Variants in PRSS23 observed in about 807,000 individuals in gnomAD.
PRSS23 encodes the protein serine protease 23.
In PRSS23, 25 loss-of-function variants were observed where a neutral mutation model predicts 34.7. The ratio of observed to expected loss-of-function variants is 0.72; its 90% CI spans 0.53 to 1.01. The LOEUF (loss-of-function observed/expected upper bound fraction) is 1.01. Ranked by LOEUF, PRSS23 falls within the 50% of genes least tolerant of loss-of-function variation. The pLI is 0.00. For missense variants in PRSS23, 445 were observed against 475.6 expected (o/e 0.94, Z 0.60); for synonymous variants, 176 against 186.6 (o/e 0.94, Z 0.46).
At position 86,808,051 on chromosome 11, in the gene PRSS23, G is replaced by T. The variant is rs886767909; in HGVS notation, c.408G>T (p.Arg136Ser). Residue 136 changes from arginine to serine, a missense_variant, in exon 2 of 2, where the codon AGG becomes AGT. Arg to Ser is a moderately radical substitution (Grantham distance 110). Transcript: ENST00000280258. The part of the protein sequence containing the change: ...RKRQIYGYDS[R>S]FSIFGKDFLL... ...GGCAGATTTATGGCTATGACAGCAGGTTCAGCATTTTTGGGAAGGACTTCC... is the reference window on the plus strand; with the variant it reads ...GGCAGATTTATGGCTATGACAGCAGTTTCAGCATTTTTGGGAAGGACTTCC... The T allele has an allele frequency of 1.2e-6, 2 of 1,613,960 alleles. No individual in the cohort carries two copies. Among genetic ancestry groups the T allele is most frequent in the Non-Finnish European group, 1.7e-6 (2 of 1,180,040 alleles).
At chr11:86,837,229 A>G (rs1948413967) in intron 2 of PRSS23, 1 of 152,378 alleles carries the variant, frequency 6.6e-6, no homozygotes, top group Non-Finnish European at 1.5e-5. Flanking sequence ...ATTTTATTCT[A>G]ATAGATTGCC....
At chr11:86,832,207 A>G (rs1450378875) in intron 2 of PRSS23, among the ~76,000 whole-genome samples, 1 of 152,070 alleles carries the variant, frequency 6.6e-6, no homozygotes, top group Non-Finnish European at 1.5e-5. Flanking sequence ...ATAATTCCTA[A>G]TATCACAGTG....
intron 2 of PRSS23, among the ~76,000 whole-genome samples, chr11:86,861,663 C>G (rs1333864661): frequency 6.6e-6 from 1 of 151,380 alleles, no homozygotes; most frequent in East Asian, 2.0e-4. Flanking sequence ...GTGTACACCC[C>G]CCTATGATAT....
chr11:86,884,193 ATC>A (rs1948787864), intron 2 of PRSS23, among the ~76,000 whole-genome samples: 1 of 151,986 alleles, frequency 6.6e-6, no homozygotes. Context: ...TACTCTCATC[ATC>A]TCTCTCCTTG....
At chr11:86,871,190 C>A (rs1948682321) in intron 2 of PRSS23, among the ~76,000 whole-genome samples, 1 of 152,106 alleles carries the variant, frequency 6.6e-6, no homozygotes, top group Non-Finnish European at 1.5e-5. Flanking sequence ...TGGTTTTATG[C>A]CTTTTTAGGG....
At chr11:86,912,490 C>T (rs1284441955) in intron 2 of PRSS23, among the ~76,000 whole-genome samples, 1 of 152,130 alleles carries the variant, frequency 6.6e-6, no homozygotes. Context: ...CTCTGTTCTG[C>T]AAGTCAGTGA....
At chr11:86,826,410 T>G (rs1016582862) in intron 2 of PRSS23, among the ~76,000 whole-genome samples, 29 of 152,210 alleles carry the variant, frequency 1.9e-4, no homozygotes, top group Non-Finnish European at 3.5e-4. Context: ...GATGGGGTTT[T>G]CTAGATATAC....
At chr11:86,843,026 C>G (rs1948460088) in intron 2 of PRSS23, among the ~76,000 whole-genome samples, 2 of 152,198 alleles carry the variant, frequency 1.3e-5, no homozygotes, top group South Asian at 4.1e-4. Flanking sequence ...AACTATACTA[C>G]AAGGCTATAG....
At chr11:86,906,350 C>T (rs1481646441) in intron 2 of PRSS23, among the ~76,000 whole-genome samples, 2 of 146,988 alleles carry the variant, frequency 1.4e-5, no homozygotes, top group African/African-American at 5.0e-5. Flanking sequence ...CCCCCACCAG[C>T]GCCACCCTCA....
intron 2 of PRSS23, among the ~76,000 whole-genome samples, chr11:86,925,631 C>T (rs551287006): frequency 2.0e-5 from 3 of 152,270 alleles, no homozygotes; most frequent in Non-Finnish European, 4.4e-5. Flanking sequence ...ATTTACTGAG[C>T]ACTCTCTATG....
At chr11:86,815,309 A>G (rs1948207418), downstream of PRSS23, among the ~76,000 whole-genome samples, 2 of 152,122 alleles carry the variant, frequency 1.3e-5, no homozygotes, top group East Asian at 1.9e-4. Flanking sequence ...CTTATCACTA[A>G]CACTGTTATA....
intron 2 of PRSS23, among the ~76,000 whole-genome samples, chr11:86,859,770 C>T (rs1300529314): frequency 6.6e-6 from 1 of 151,958 alleles, no homozygotes; most frequent in Non-Finnish European, 1.5e-5. Context: ...GGTGTACCTT[C>T]ACCCTGTGAT....
chr11:86,899,128 G>GC (rs1454268849), intron 2 of PRSS23, among the ~76,000 whole-genome samples: 1 of 152,100 alleles, frequency 6.6e-6, no homozygotes. Context: ...GGCCTGGCCA[G>GC]CATGCATTCC....
chr11:86,914,239 C>T lies in PRSS23; in HGVS notation c.207-36977C>T. Among the ~76,000 whole-genome samples the T allele has an allele frequency of 1.3e-5, 2 of 151,778 alleles. 1 individual carries two copies. The highest frequency in any genetic ancestry group is 4.2e-4 in the South Asian group (2 of 4,810). On this transcript the variant is annotated intron_variant, in intron 2 of 2. Transcript: ENST00000533902. ...AGACTCCATCTCAAAAAACAAAAAA[C>T]AACAAAAGAAAGAAAGTTGCAAAAG...
intron 2 of PRSS23, among the ~76,000 whole-genome samples, chr11:86,926,902 A>T (rs753765775): frequency 1.3e-5 from 2 of 151,904 alleles, no homozygotes; most frequent in African/African-American, 4.8e-5. Context: ...CTCATGCGTT[A>T]CTCCTCCTCT....
intron 2 of PRSS23, among the ~76,000 whole-genome samples, chr11:86,859,960 A>G (rs949403964): frequency 6.6e-6 from 1 of 152,028 alleles, no homozygotes; most frequent in Non-Finnish European, 1.5e-5. Flanking sequence ...AAGGAAGAGG[A>G]TAATATTAAT....
At chr11:86,859,812 G>T (rs1404590480) in intron 2 of PRSS23, among the ~76,000 whole-genome samples, 1 of 151,888 alleles carries the variant, frequency 6.6e-6, no homozygotes, top group African/African-American at 2.4e-5. Flanking sequence ...GGGGAAGAAT[G>T]TTATGACTCC....
intron 2 of PRSS23, among the ~76,000 whole-genome samples, chr11:86,929,329 A>AC (rs1311878395): frequency 6.7e-6 from 1 of 149,846 alleles, no homozygotes; most frequent in African/African-American, 2.5e-5. Context: ...TCTCAAAAAA[A>AC]AAAAACAAAA....
intron 2 of PRSS23, among the ~76,000 whole-genome samples, chr11:86,863,181 T>G (rs948383916): frequency 6.6e-6 from 1 of 152,174 alleles, no homozygotes; most frequent in African/African-American, 2.4e-5. Context: ...CTCTGTGATA[T>G]AATTCCTAAT....
Sources: gnomAD v4.1 joint callset for allele counts (sites outside exome capture counted in the v4.1 genomes callset) on GRCh38, gnomAD v4.1.1 for gene constraint, MANE v1.5 for transcripts, NCBI Gene and HGNC (gene_info 2026-07-23, HGNC 2026-07-21) for gene names.